Variants in ATP10B observed in about 807,000 individuals in gnomAD.
ATP10B encodes the protein phospholipid-transporting ATPase VB.
ATP10B carries 122 observed loss-of-function variants against 141.2 expected under a neutral mutation model. That is an observed-to-expected ratio of 0.86 (90% CI 0.75 to 1.00). The LOEUF (loss-of-function observed/expected upper bound fraction) is 1.00, where lower values mean the gene tolerates loss of function less well. Ranked by LOEUF, ATP10B falls within the 50% of genes least tolerant of loss-of-function variation. The pLI is 0.00. For missense variants in ATP10B, 1,876 were observed against 1,825.3 expected (o/e 1.03, Z -0.51); for synonymous variants, 685 against 692.0 (o/e 0.99, Z 0.16).
chr5:160,649,346 T>C (rs767221682), intron 7 of ATP10B, 90 bp from the exon 8 acceptor site: 5 of 916,132 alleles, frequency 5.5e-6, no homozygotes, highest in Non-Finnish European at 8.7e-6. Flanking sequence ...GTTAGAACCA[T>C]TGCAAATAAG....
At position 160,565,711 on chromosome 5, in the gene ATP10B, G is replaced by A. The variant is rs754858033; in HGVS notation, c.4128C>T (p.Asp1376=). Residue 1376 remains aspartate (D), a synonymous_variant, in exon 26 of 26, where the codon GAC becomes GAT. Coordinates refer to ENST00000327245, the MANE Select transcript of ATP10B (RefSeq NM_025153.3). Reference sequence around the variant, plus strand: ...AGCTCTTTGGGGTGCTGGCACTGAAGTCCTGTCCTGTGATAGATGACACTG... The same window carrying A: ...AGCTCTTTGGGGTGCTGGCACTGAAATCCTGTCCTGTGATAGATGACACTG... ...HHPVSSITGQ[D]FSASTPKSSN... is the part of the protein sequence containing the mutation. The A allele has an allele frequency of 6.2e-7, 1 of 1,614,040 alleles. No individual in the cohort carries two copies. The highest frequency in any genetic ancestry group is 8.5e-7 in the Non-Finnish European group (1 of 1,179,962).
intron 1 of ATP10B, among the ~76,000 whole-genome samples, chr5:160,841,902 T>C (rs934748814): frequency 2.0e-5 from 3 of 152,078 alleles, no homozygotes; most frequent in Non-Finnish European, 4.4e-5. Context: ...TTTTTGTATT[T>C]TTAGTAGAGA....
intron 3 of ATP10B, among the ~76,000 whole-genome samples, chr5:160,693,193 C>G (rs1022747163): frequency 9.2e-5 from 14 of 151,754 alleles, no homozygotes; most frequent in African/African-American, 3.1e-4. Flanking sequence ...GAATCCTATA[C>G]TAGAGGAAGA....
chr5:160,849,623 A>ACACACACACT (rs1753673398), intron 1 of ATP10B, among the ~76,000 whole-genome samples: 1 of 151,402 alleles, frequency 6.6e-6, no homozygotes. Context: ...GCAATTACAC[A>ACACACACACT]CACACACACA....
At position 160,747,585 on chromosome 5, in the gene ATP10B, G is replaced by A. The variant is rs150683570; in HGVS notation, c.-330-30551C>T. 2.6e-5 allele frequency among the ~76,000 whole-genome samples: 4 copies of A among 152,194 alleles called. No homozygotes were observed. The East Asian group carries it at 7.7e-4, about 29-fold the overall frequency. ...AAGACAGAGGATAGATTGGAGAGAG[G>A]CTACCACAAGCCAAGGAACACCTAA... On this transcript the variant is annotated intron_variant, in intron 2 of 25. Transcript: ENST00000327245.
Position 160,688,052 on chromosome 5 carries a change from G to A in ATP10B, c.23C>T (p.Ser8Leu), listed in dbSNP as rs1253204951. The A allele has an allele frequency of 4.3e-6, 7 of 1,613,144 alleles. No homozygotes were observed. In the Admixed American group the frequency reaches 5.0e-5, roughly 12 times the overall value. Residue 8 changes from serine (S) to leucine (L), a missense_variant, in exon 5 of 26, where the codon TCG (serine) becomes TTG (leucine). Ser to Leu is a moderately radical substitution (Grantham distance 145). Transcript: ENST00000327245. ...GACTCTCCACTGCCACCGATGCCAC[G>A]ATGAGTCCACTGAGAGGGCCATTTC... is the stretch of plus-strand genomic sequence containing the variant. Reference protein sequence around the residue: MALSVDSSWHRWQWRVRD... With the variant: MALSVDSLWHRWQWRVRD...
At chr5:160,652,977 TATAC>T (rs1175302739) in intron 7 of ATP10B, among the ~76,000 whole-genome samples, 1 of 97,334 alleles carries the variant, frequency 1.0e-5, no homozygotes, top group Non-Finnish European at 1.8e-5. Flanking sequence ...ATATATAATA[TATAC>T]ATACATATTT....
chr5:160,917,269 C>CTT, the ATP10B span, among the ~76,000 whole-genome samples: 56,208 of 127,322 alleles, frequency 0.44, 12,752 homozygotes, highest in Non-Finnish European at 0.47. Context: ...TAGGGTACTT[C>CTT]TTTTTTTTTT....
intron 2 of ATP10B, among the ~76,000 whole-genome samples, chr5:160,729,893 T>A (rs1766618252): frequency 6.6e-6 from 1 of 152,154 alleles, no homozygotes; most frequent in African/African-American, 2.4e-5. Flanking sequence ...GGCATTTTAA[T>A]CTTACTTGAT....
the ATP10B span, among the ~76,000 whole-genome samples, chr5:160,887,283 A>G: frequency 5.9e-5 from 9 of 152,200 alleles, no homozygotes; most frequent in Non-Finnish European, 1.2e-4. Flanking sequence ...AATCATCTCT[A>G]TATTACTTAT....
At chr5:160,781,817 C>G (rs1436489514) in intron 2 of ATP10B, among the ~76,000 whole-genome samples, 1 of 152,086 alleles carries the variant, frequency 6.6e-6, no homozygotes, top group African/African-American at 2.4e-5. Flanking sequence ...AAATCAAATG[C>G]TGGCCATAAA....
At chr5:160,616,083 G>T in intron 16 of ATP10B, 119 bp from the exon 17 acceptor site, 6 of 1,087,004 alleles carry the variant, frequency 5.5e-6, no homozygotes, top group South Asian at 4.6e-5. Flanking sequence ...ATAATTAGAT[G>T]GGGCTTTCTT....
intron 1 of ATP10B, among the ~76,000 whole-genome samples, chr5:160,833,742 TA>T (rs1315145383): frequency 6.6e-6 from 1 of 152,166 alleles, no homozygotes; most frequent in Non-Finnish European, 1.5e-5. Context: ...AATGAAACCT[TA>T]TAAGACAGAA....
At chr5:160,663,708 G>A (rs1328386705) in intron 7 of ATP10B, among the ~76,000 whole-genome samples, 2 of 152,000 alleles carry the variant, frequency 1.3e-5, no homozygotes, top group Non-Finnish European at 2.9e-5. Context: ...GTTAATGGGT[G>A]CAGCACACCA....
intron 13 of ATP10B, among the ~76,000 whole-genome samples, chr5:160,626,381 CAA>C (rs1389103368): frequency 1.3e-5 from 2 of 152,176 alleles, no homozygotes; most frequent in African/African-American, 4.8e-5. Flanking sequence ...CATAGCATAA[CAA>C]AGTCAGGCAC....
At chr5:160,912,414 C>CAAAAAAAA in the ATP10B span, among the ~76,000 whole-genome samples, 5 of 88,906 alleles carry the variant, frequency 5.6e-5, no homozygotes, top group African/African-American at 1.9e-4. Flanking sequence ...CTGTTTCTAC[C>CAAAAAAAA]AAAAAAAAAA....
chr5:160,916,726 C>G, the ATP10B span, among the ~76,000 whole-genome samples: 1 of 152,280 alleles, frequency 6.6e-6, no homozygotes, highest in South Asian at 2.1e-4. Context: ...GCTACAGAAC[C>G]CACATTTTAA....
chr5:160,752,551 G>A (rs1768230138), intron 2 of ATP10B, among the ~76,000 whole-genome samples: 1 of 152,114 alleles, frequency 6.6e-6, no homozygotes, highest in Non-Finnish European at 1.5e-5. Flanking sequence ...TTGGGTTAAA[G>A]AATCTTGAAA....
intron 1 of ATP10B, among the ~76,000 whole-genome samples, chr5:160,818,902 A>G (rs1773891898): frequency 1.3e-5 from 2 of 152,174 alleles, no homozygotes; most frequent in African/African-American, 2.4e-5. Context: ...TTCAAGGACA[A>G]AAAACCAAAT....
Sources: allele counts gnomAD v4.1 joint callset (sites outside exome capture counted in the v4.1 genomes callset), GRCh38; gene constraint gnomAD v4.1.1; transcripts MANE v1.5; gene names NCBI Gene and HGNC (gene_info 2026-07-23, HGNC 2026-07-21).